Variants in TP63 observed in about 807,000 individuals in gnomAD.
The protein encoded by TP63 is tumor protein 63.
In TP63, 17 loss-of-function variants were observed where a neutral mutation model predicts 82.8. That is an observed-to-expected ratio of 0.21 (90% CI 0.14 to 0.31). The LOEUF (loss-of-function observed/expected upper bound fraction) is 0.31. Among genes scored for constraint, TP63 ranks in the 10% least tolerant of loss-of-function variants. The probability of loss-of-function intolerance (pLI) is 1.00; values close to 1 mark genes in which losing one functional copy is unlikely to be tolerated. For missense variants in TP63, 648 were observed against 895.3 expected, an observed-to-expected ratio of 0.72 and a Z score of 3.52; for synonymous variants, 330 against 321.7, an observed-to-expected ratio of 1.03 and a Z score of -0.28.
At chr3:189,722,785 TATTA>T (rs1296698315) in intron 1 of TP63, among the ~76,000 whole-genome samples, 3 of 152,198 alleles carry the variant, frequency 2.0e-5, no homozygotes, top group African/African-American at 7.2e-5. Flanking sequence ...GTATGTGTTA[TATTA>T]ATTATAATTA....
At chr3:189,796,033 G>A (rs1011982308) in intron 3 of TP63, among the ~76,000 whole-genome samples, 1 of 151,950 alleles carries the variant, frequency 6.6e-6, no homozygotes, top group African/African-American at 2.4e-5. Context: ...TTATTAAATA[G>A]TCGTCTTAGA....
chr3:189,841,450 A>G (rs556399246), intron 4 of TP63, among the ~76,000 whole-genome samples: 3 of 152,184 alleles, frequency 2.0e-5, no homozygotes, highest in African/African-American at 7.2e-5. Context: ...ATAGTCTCCC[A>G]TTTCTTCTTA....
chr3:189,840,359 C>CTTTTTTTTTTT, intron 4 of TP63, among the ~76,000 whole-genome samples: 2 of 44,446 alleles, frequency 4.5e-5, no homozygotes, highest in Non-Finnish European at 7.8e-5. Flanking sequence ...TGCTTTTCGT[C>CTTTTTTTTTTT]TTTTTTTTTT....
At chr3:189,738,074 G>T (rs1308432713) in intron 2 of TP63, among the ~76,000 whole-genome samples, 1 of 152,080 alleles carries the variant, frequency 6.6e-6, no homozygotes, top group African/African-American at 2.4e-5. Context: ...CTAATCCAAG[G>T]TGATGTAATT....
intron 4 of TP63, among the ~76,000 whole-genome samples, chr3:189,816,130 A>G (rs1163063005): frequency 1.3e-5 from 2 of 152,232 alleles, no homozygotes; most frequent in Non-Finnish European, 2.9e-5. Context: ...CTTCTAATCA[A>G]TTTTCTCAGC....
At chr3:189,878,620 G>T (rs1180528157) in intron 10 of TP63, among the ~76,000 whole-genome samples, 5 of 147,840 alleles carry the variant, frequency 3.4e-5, no homozygotes, top group African/African-American at 5.0e-5. Context: ...GTAGAGACGG[G>T]ATTTCACCAT....
chr3:189,673,184 T>G (rs1445364399), intron 1 of TP63, among the ~76,000 whole-genome samples: 1 of 152,030 alleles, frequency 6.6e-6, no homozygotes, highest in Non-Finnish European at 1.5e-5. Flanking sequence ...ATGCAGCAAA[T>G]TTTTTCACAG....
At chr3:189,828,514 C>A (rs1232263911) in intron 4 of TP63, among the ~76,000 whole-genome samples, 1 of 152,094 alleles carries the variant, frequency 6.6e-6, no homozygotes, top group Non-Finnish European at 1.5e-5. Context: ...GCTTTGCTTT[C>A]TTTAGTTAGG....
At chr3:189,670,826 T>C (rs1452249090) in intron 1 of TP63, among the ~76,000 whole-genome samples, 1 of 152,038 alleles carries the variant, frequency 6.6e-6, no homozygotes, top group East Asian at 1.9e-4. Flanking sequence ...CTTCAATAAA[T>C]AGTACTGGGA....
chr3:189,891,916 G>A lies in TP63; in HGVS notation c.1746+1034G>A, dbSNP rs1721059918. Among the ~76,000 whole-genome samples the A allele has an allele frequency of 2.0e-5, 3 of 152,024 alleles. No individual in the cohort carries two copies. The South Asian group carries it at 6.2e-4, about 32-fold the overall frequency. On this transcript the variant is annotated intron_variant, in intron 13 of 13. Transcript: ENST00000264731. ...GGGACTCTTTTTTCCCCCTCCTTGA[G>A]CACCGATGCTAGAGATGCCCCTGCA... is the stretch of plus-strand genomic sequence containing the variant.
At chr3:189,612,585 C>A in the TP63 span, among the ~76,000 whole-genome samples, 3 of 152,124 alleles carry the variant, frequency 2.0e-5, no homozygotes, top group African/African-American at 4.8e-5. Flanking sequence ...TGGGCCACTA[C>A]TGAAAAGATA....
chr3:189,648,077 G>A (rs187684843), intron 1 of TP63, among the ~76,000 whole-genome samples: 2 of 146,970 alleles, frequency 1.4e-5, no homozygotes, highest in Admixed American at 6.7e-5. Flanking sequence ...AAGTATGTAG[G>A]CTCTGTAATT....
chr3:189,615,251 GA>G, the TP63 span, among the ~76,000 whole-genome samples: 1 of 152,138 alleles, frequency 6.6e-6, no homozygotes, highest in African/African-American at 2.4e-5. Flanking sequence ...TCAGTCTCTT[GA>G]ATATTCCTGG....
At chr3:189,893,499 C>T (rs1577212027) in intron 13 of TP63, among the ~76,000 whole-genome samples, 1 of 152,216 alleles carries the variant, frequency 6.6e-6, no homozygotes, top group African/African-American at 2.4e-5. Context: ...TTAAGGTTGA[C>T]CCTATTTGCA....
chr3:189,711,713 C>T (rs1718609471), intron 1 of TP63, among the ~76,000 whole-genome samples: 1 of 152,166 alleles, frequency 6.6e-6, no homozygotes, highest in African/African-American at 2.4e-5. Flanking sequence ...ACCATAATGA[C>T]TGACAGCCTA....
chr3:189,833,042 T>C (rs1237948487), intron 4 of TP63, among the ~76,000 whole-genome samples: 1 of 152,254 alleles, frequency 6.6e-6, no homozygotes, highest in African/African-American at 2.4e-5. Context: ...TTGTATCTTA[T>C]TGATAGAGAG....
chr3:189,854,685 C>T (rs1716072259), intron 4 of TP63, among the ~76,000 whole-genome samples: 1 of 152,180 alleles, frequency 6.6e-6, no homozygotes, highest in Non-Finnish European at 1.5e-5. Flanking sequence ...GAAATGAAAG[C>T]TGCAAACACT....
intron 1 of TP63, among the ~76,000 whole-genome samples, chr3:189,664,845 A>G (rs1478355019): frequency 6.6e-6 from 1 of 151,906 alleles, no homozygotes; most frequent in Non-Finnish European, 1.5e-5. Context: ...GATGGTAGAA[A>G]GCTATAATTT....
chr3:189,873,536 G>T, intron 10 of TP63: 1 of 171,914 alleles, frequency 5.8e-6, no homozygotes, highest in South Asian at 1.3e-4. Flanking sequence ...GGGTGCAGAA[G>T]GATAAGGTAG....
Sources: allele counts gnomAD v4.1 joint callset (sites outside exome capture counted in the v4.1 genomes callset), GRCh38; gene constraint gnomAD v4.1.1; transcripts MANE v1.5; gene names NCBI Gene and HGNC (gene_info 2026-07-23, HGNC 2026-07-21).